Variants in TMEM181 observed in about 807,000 individuals in gnomAD.
TMEM181 encodes transmembrane protein 181, also known as G protein-coupled receptor 178.
A neutral mutation model predicts 71.9 loss-of-function variants in TMEM181; 39 were observed. That is an observed-to-expected ratio of 0.54 (90% confidence interval 0.42 to 0.71). The LOEUF (loss-of-function observed/expected upper bound fraction) is 0.71, where lower values mean the gene tolerates loss of function less well. TMEM181 is among the 30% of genes least tolerant of loss of function. TMEM181 has a pLI of 0.00. For missense variants in TMEM181, 595 were observed against 583.0 expected, an observed-to-expected ratio of 1.02 and a Z score of -0.21; for synonymous variants, 245 against 228.8, an observed-to-expected ratio of 1.07 and a Z score of -0.64.
chr6:158,609,083 G>A (rs1785137249), intron 10 of TMEM181, among the ~76,000 whole-genome samples: 1 of 150,110 alleles, frequency 6.7e-6, no homozygotes. Context: ...GGGCAACAGA[G>A]TGAGACCTTG....
At position 158,536,874 on chromosome 6, in the gene TMEM181, G is replaced by C. The variant is rs200670334; in HGVS notation, c.131+9G>C. The C allele has an allele frequency of 5.1e-5, 69 of 1,352,214 alleles. No individual in the cohort carries two copies. In the African/African-American group the frequency reaches 8.4e-4, roughly 17 times the overall value. 83.8% of individuals were successfully genotyped at this position (1,352,214 alleles called of 1,614,324 possible). ...GATGACCGCTACTACAGGTGGGCGC[G>C]GCGCGGGCAGCGGCGGGGCGGCCGG... On this transcript the variant is annotated intron_variant, in intron 1 of 16. Transcript: ENST00000367090.
chr6:158,556,882 C>A (rs1331000156), upstream of TMEM181, among the ~76,000 whole-genome samples: 1 of 152,078 alleles, frequency 6.6e-6, no homozygotes, highest in Non-Finnish European at 1.5e-5. Flanking sequence ...CTTGCCTCAG[C>A]CTCATGACTA....
chr6:158,563,638 G>T (rs1167621499), intron 1 of TMEM181, among the ~76,000 whole-genome samples: 1 of 152,222 alleles, frequency 6.6e-6, no homozygotes, highest in Non-Finnish European at 1.5e-5. Flanking sequence ...GTTCCCTGTG[G>T]CCTGGGTAGG....
chr6:158,614,803 C>T (rs749652355), intron 10 of TMEM181, among the ~76,000 whole-genome samples: 4 of 152,182 alleles, frequency 2.6e-5, no homozygotes, highest in Non-Finnish European at 5.9e-5. Flanking sequence ...CATGTCCCTG[C>T]AAAGGACATG....
rs772914802 is a variant in TMEM181 at position 158,583,995 on chromosome 6, C to T, written c.210C>T (p.Tyr70=). 1.9e-6 allele frequency: 3 copies of T among 1,611,466 alleles called. No individual in the cohort carries two copies. Among genetic ancestry groups the T allele is most frequent in the South Asian group, 1.1e-5 (1 of 90,354 alleles). The change falls in exon 4 of 17, where the codon TAC becomes TAT. Residue 70 remains tyrosine (Y), a synonymous_variant. Transcript: ENST00000684151. ...TACTTTCAAATCCACTGTCTACATA[C>T]AATCAGCAACTATGGCTGACATGTG... The part of the protein sequence containing the change: ...IQILSNPLST[Y]NQQLWLTCVV...
chr6:158,578,736 C>T (rs1582975397), intron 2 of TMEM181, among the ~76,000 whole-genome samples: 1 of 152,176 alleles, frequency 6.6e-6, no homozygotes, highest in African/African-American at 2.4e-5. Flanking sequence ...GCAAGTTTCT[C>T]CTGAGCAGTA....
At chr6:158,542,008 C>T (rs1263029778) in intron 1 of TMEM181, among the ~76,000 whole-genome samples, 2 of 148,774 alleles carry the variant, frequency 1.3e-5, no homozygotes, top group Admixed American at 6.9e-5. Context: ...CGGGTTCAAG[C>T]GATTCTCCTG....
intron 6 of TMEM181, among the ~76,000 whole-genome samples, chr6:158,590,636 G>C (rs186679383): frequency 3.0e-4 from 45 of 152,256 alleles, no homozygotes; most frequent in African/African-American, 9.4e-4. Context: ...GCTAATTTTT[G>C]TATTTTTAGT....
intron 10 of TMEM181, among the ~76,000 whole-genome samples, chr6:158,613,772 G>A (rs1378358307): frequency 2.0e-5 from 3 of 152,204 alleles, no homozygotes; most frequent in South Asian, 4.1e-4. Flanking sequence ...TATTGTTGTG[G>A]TTTAAGAATA....
Position 158,633,221 on chromosome 6 carries a change from G to A in TMEM181, c.*1333G>A, listed in dbSNP as rs751461114. The A allele has an allele frequency of 2.0e-5, 3 of 152,194 alleles. No homozygotes were observed. The highest frequency in any genetic ancestry group is 4.4e-5 in the Non-Finnish European group (3 of 68,036). 9.4% of individuals were successfully genotyped at this position (152,194 alleles called of 1,614,324 possible). A position where few individuals can be genotyped will look rare whatever the true frequency, so the allele number is the denominator to read the frequency against. ...AACGTATTTGGGTAGAAGGCAACTC[G>A]TGCTTCCGGAAGGGGTTCCCTGTCC... is the stretch of plus-strand genomic sequence containing the variant. On this transcript the variant is annotated 3_prime_UTR_variant, in exon 17 of 17. Transcript: ENST00000684151.
chr6:158,546,048 G>A (rs1222214664), intron 1 of TMEM181, among the ~76,000 whole-genome samples: 1 of 152,148 alleles, frequency 6.6e-6, no homozygotes, highest in Non-Finnish European at 1.5e-5. Context: ...CATGACCGGG[G>A]CAGTGTTTCT....
intron 6 of TMEM181, among the ~76,000 whole-genome samples, chr6:158,592,476 CTTTTT>C (rs11285085): frequency 6.8e-6 from 1 of 148,126 alleles, no homozygotes; most frequent in East Asian, 2.0e-4. Flanking sequence ...GAGACCCCAT[CTTTTT>C]TTTTTTTCTG....
chr6:158,592,988 G>C (rs139869993), intron 6 of TMEM181, among the ~76,000 whole-genome samples: 1 of 152,266 alleles, frequency 6.6e-6, no homozygotes, highest in East Asian at 1.9e-4. Flanking sequence ...AAGGACACAA[G>C]TTTTCTCATA....
intron 5 of TMEM181, among the ~76,000 whole-genome samples, 178 bp from the exon 6 acceptor site, chr6:158,589,494 G>A (rs769040528): frequency 3.9e-5 from 6 of 152,220 alleles, no homozygotes; most frequent in Non-Finnish European, 8.8e-5. Flanking sequence ...TACCCATTTG[G>A]TTCATTCTTT....
intron 1 of TMEM181, among the ~76,000 whole-genome samples, chr6:158,572,251 AG>A (rs1782896704): frequency 6.6e-6 from 1 of 152,172 alleles, no homozygotes; most frequent in African/African-American, 2.4e-5. Context: ...GTGGGCACGC[AG>A]GCCCGTGTGA....
intron 1 of TMEM181, among the ~76,000 whole-genome samples, chr6:158,565,847 G>A (rs746999135): frequency 1.3e-5 from 2 of 152,120 alleles, no homozygotes; most frequent in Non-Finnish European, 1.5e-5. Flanking sequence ...ACAGAGCCTC[G>A]CGGTGGGGGC....
At chr6:158,571,197 T>C (rs1008257319) in intron 1 of TMEM181, among the ~76,000 whole-genome samples, 30 of 152,076 alleles carry the variant, frequency 2.0e-4, no homozygotes, top group Non-Finnish European at 3.4e-4. Context: ...CCCGGGTTCG[T>C]GCCATTCTCC....
chr6:158,538,273 C>A (rs1469127555), intron 1 of TMEM181, among the ~76,000 whole-genome samples: 2 of 151,886 alleles, frequency 1.3e-5, no homozygotes, highest in Non-Finnish European at 2.9e-5. Flanking sequence ...ATCCTTCTAC[C>A]TCAGCCTCCT....
At chr6:158,577,692 A>G (rs1347632038) in intron 2 of TMEM181, among the ~76,000 whole-genome samples, 1 of 152,218 alleles carries the variant, frequency 6.6e-6, no homozygotes, top group African/African-American at 2.4e-5. Flanking sequence ...GCAGTAAGAG[A>G]GTGACTCATC....
Sources: gnomAD v4.1 joint callset for allele counts (sites outside exome capture counted in the v4.1 genomes callset) on GRCh38, gnomAD v4.1.1 for gene constraint, MANE v1.5 for transcripts, NCBI Gene and HGNC (gene_info 2026-07-23, HGNC 2026-07-21) for gene names.